The following DNAAF1 variants were observed in gnomAD, a reference collection of about 807,000 sequenced individuals.
DNAAF1 encodes dynein assembly factor 1, axonemal.
Under a neutral mutation model 71.1 loss-of-function variants are expected in DNAAF1, and 65 were observed. The observed-to-expected ratio is 0.91, with a 90% CI of 0.75 to 1.12. DNAAF1 has a LOEUF of 1.12. DNAAF1 is among the 50% of genes most tolerant of loss of function. The probability of loss-of-function intolerance (pLI) is 0.00; values close to 1 mark genes in which losing one functional copy is unlikely to be tolerated. For synonymous variants in DNAAF1, 414 were observed against 354.6 expected, an observed-to-expected ratio of 1.17 and a Z score of -1.88; for missense variants, 1,178 against 899.8, an observed-to-expected ratio of 1.31 and a Z score of -3.96.
chr16:84,149,111 C>T lies in DNAAF1; in HGVS notation c.229C>T (p.Pro77Ser), dbSNP rs1482587060. The T allele has an allele frequency of 6.2e-7, 1 of 1,613,954 alleles. No homozygotes were observed. The highest frequency in any genetic ancestry group is 8.5e-7 in the Non-Finnish European group (1 of 1,180,016). ...TGGGTCAGGTGGTCACTTCGCACACCCAAGAGAAGACAGGGAAGATCGGGG... is the reference window on the plus strand; with the variant it reads ...TGGGTCAGGTGGTCACTTCGCACACTCAAGAGAAGACAGGGAAGATCGGGG... ...DNGSGGHFAH[P>S]REDREDRGPR... Residue 77 changes from proline to serine, a missense_variant, in exon 2 of 12, where the codon CCA becomes TCA. Coordinates refer to ENST00000378553, the MANE Select transcript of DNAAF1 (RefSeq NM_178452.6).
intron 6 of DNAAF1, among the ~76,000 whole-genome samples, chr16:84,163,423 C>G (rs2087812770): frequency 6.6e-6 from 1 of 150,914 alleles, no homozygotes; most frequent in Non-Finnish European, 1.5e-5. Flanking sequence ...CCCTGTCGCC[C>G]AGGCAGGAGT....
rs757969536 is a variant in DNAAF1 at position 84,149,137 on chromosome 16, C to A, written c.255C>A (p.Gly85=). Residue 85 remains glycine, a synonymous_variant, in exon 2 of 12, where the codon GGC becomes GGA. Transcript: ENST00000378553. ...CAAGAGAAGACAGGGAAGATCGGGG[C>A]CCCAGGTATGTGGGCATACTCCTAA... ...AHPREDREDR[G]PRMTKSSLQK... 1.2e-6 allele frequency: 2 copies of A among 1,613,810 alleles called. No homozygotes were observed. Among genetic ancestry groups the A allele is most frequent in the Admixed American group, 1.7e-5 (1 of 59,968 alleles).
At position 84,146,889 on chromosome 16, in the gene DNAAF1, G is replaced by C. The variant is rs74701853; in HGVS notation, c.124+1325G>C. On this transcript the variant is annotated intron_variant, in intron 1 of 11. Transcript: ENST00000378553. ...CTGAACGCAGGCAACAAATAAACCA[G>C]CTGATTTGTGTTCCAGGCAACAAAT... is the stretch of plus-strand genomic sequence containing the variant. Among the ~76,000 whole-genome samples the C allele has an allele frequency of 6.6e-5, 10 of 152,326 alleles. No homozygotes were observed. The East Asian group carries it at 1.7e-3, about 26-fold the overall frequency.
At chr16:84,169,822 A>T (rs1335064938) in intron 7 of DNAAF1, 37 bp from the exon 8 acceptor site, 2 of 1,612,494 alleles carry the variant, frequency 1.2e-6, no homozygotes, top group Admixed American at 1.7e-5. Context: ...TCCTCCCAGG[A>T]CACTCCCACA....
intron 4 of DNAAF1, 76 bp downstream of exon 4, chr16:84,154,874 T>C (rs1230024408): frequency 8.0e-6 from 10 of 1,257,518 alleles, no homozygotes; most frequent in Non-Finnish European, 5.8e-6. Context: ...TCTAAGCTTT[T>C]ATATTATGGG....
intron 6 of DNAAF1, among the ~76,000 whole-genome samples, chr16:84,163,715 G>C (rs2087829029): frequency 6.6e-6 from 1 of 152,088 alleles, no homozygotes; most frequent in East Asian, 1.9e-4. Flanking sequence ...ATGGTATGCA[G>C]TGGTGTCTCA....
rs4150186 is a variant in DNAAF1, at chr16:84,177,908, T to G, written c.*67T>G. 1.5e-6 allele frequency: 2 copies of G among 1,331,784 alleles called. No homozygotes were observed. Among genetic ancestry groups the G allele is most frequent in the African/African-American group, 1.4e-5 (1 of 69,350 alleles). 82.5% of individuals were successfully genotyped at this position (1,331,784 alleles called of 1,614,324 possible). ...TGTCTCCCTTAGGCATGATAAACAT[T>G]TTAACACCCACGCGAGTCAGTGTAT... On this transcript the variant is annotated 3_prime_UTR_variant, in exon 12 of 12. Transcript: ENST00000378553.
chr16:84,145,377 G>C lies in DNAAF1; in HGVS notation c.-64G>C. 1 of 1,551,482 alleles carries C rather than the reference G, an allele frequency of 6.4e-7. No homozygotes were observed. The highest frequency in any genetic ancestry group is 1.2e-5 in the South Asian group (1 of 84,350). ...ACTCTCTGGCTGGGCTGGGGCCGTA[G>C]CGACGTCCGCCGCGAACCTGGGCCC... On this transcript the variant is annotated 5_prime_UTR_variant, in exon 1 of 12. Coordinates refer to ENST00000378553, the MANE Select transcript of DNAAF1 (RefSeq NM_178452.6).
intron 7 of DNAAF1, among the ~76,000 whole-genome samples, chr16:84,168,783 A>G (rs2088158037): frequency 6.7e-6 from 1 of 150,372 alleles, no homozygotes; most frequent in Admixed American, 6.7e-5. Flanking sequence ...TGCATTTATT[A>G]ATAGATTCTG....
At chr16:84,149,983 C>T (rs940711259) in intron 2 of DNAAF1, among the ~76,000 whole-genome samples, 3 of 152,008 alleles carry the variant, frequency 2.0e-5, no homozygotes, top group East Asian at 1.9e-4. Context: ...TGAGATTGTG[C>T]CATTGCACTC....
intron 3 of DNAAF1, among the ~76,000 whole-genome samples, chr16:84,152,346 C>T (rs1409457313): frequency 1.3e-5 from 2 of 152,192 alleles, no homozygotes; most frequent in African/African-American, 2.4e-5. Context: ...GACATACACA[C>T]ACTCTTAGGT....
Position 84,175,807 on chromosome 16 carries a change from C to G in DNAAF1, c.1699-126C>G. The stretch of plus-strand genomic sequence containing the variant: ...TTCAGAGTCCTGTGTTCCCTTGGGC[C>G]TTTCTTGGATGTGGCAACAGAATAC... On this transcript the variant is annotated intron_variant, in intron 10 of 11. Coordinates refer to ENST00000378553, the MANE Select transcript of DNAAF1 (RefSeq NM_178452.6). 5.5e-6 allele frequency: 7 copies of G among 1,277,444 alleles called. No homozygotes were observed. The South Asian group carries it at 8.7e-5, about 16-fold the overall frequency. The allele number at this position is 1,277,444 out of a possible 1,614,324, so 79.1% of individuals were successfully genotyped here.
chr16:84,157,800 A>C (rs1466432787), intron 5 of DNAAF1, among the ~76,000 whole-genome samples: 1 of 152,222 alleles, frequency 6.6e-6, no homozygotes, highest in East Asian at 1.9e-4. Context: ...ACTAGTTTAG[A>C]ACTGCAGCAC....
chr16:84,172,577 C>A, intron 9 of DNAAF1: 1 of 1,411,560 alleles, frequency 7.1e-7, no homozygotes, highest in Non-Finnish European at 9.3e-7. Flanking sequence ...CTTTCATGCA[C>A]TGCCCTAGGT....
intron 6 of DNAAF1, among the ~76,000 whole-genome samples, chr16:84,163,420 G>A (rs10445075): frequency 0.21 from 30,608 of 145,170 alleles, 3,356 homozygotes; most frequent in East Asian, 0.38. Context: ...TTGCCCTGTC[G>A]CCCAGGCAGG....
At chr16:84,175,619 G>T (rs2088611481) in intron 10 of DNAAF1, 2 of 395,742 alleles carry the variant, frequency 5.1e-6, no homozygotes, top group African/African-American at 4.1e-5. Context: ...GTCTGTGAAG[G>T]AAACGGGGTT....
intron 10 of DNAAF1, chr16:84,175,122 C>T (rs976281848): frequency 3.3e-5 from 9 of 273,200 alleles, no homozygotes; most frequent in African/African-American, 1.1e-4. Context: ...TCCCAAAGTG[C>T]TGGGATTACA....
chr16:84,175,911 A>G (rs2088627037), intron 10 of DNAAF1, 22 bp from the exon 11 acceptor site: 1 of 1,613,238 alleles, frequency 6.2e-7, no homozygotes, highest in African/African-American at 1.3e-5. Context: ...AAACTTTCAG[A>G]CACCTTTTCT....
chr16:84,152,608 A>G (rs1379476667), intron 3 of DNAAF1, among the ~76,000 whole-genome samples: 7 of 146,064 alleles, frequency 4.8e-5, no homozygotes, highest in African/African-American at 7.7e-5. Flanking sequence ...AGATTGTGCT[A>G]CCGCGCTCCA....
Sources: gnomAD v4.1 joint callset for allele counts (sites outside exome capture counted in the v4.1 genomes callset) on GRCh38, gnomAD v4.1.1 for gene constraint, MANE v1.5 for transcripts, NCBI Gene and HGNC (gene_info 2026-07-23, HGNC 2026-07-21) for gene names.